The following ANXA10 variants were observed in gnomAD, a reference collection of about 807,000 sequenced individuals.
The protein encoded by ANXA10 is annexin A10.
ANXA10 carries 49 observed loss-of-function variants against 53.5 expected under a neutral mutation model. The ratio of observed to expected loss-of-function variants is 0.92; its 90% CI spans 0.73 to 1.16. ANXA10 has a LOEUF of 1.16. Among genes scored for constraint, ANXA10 ranks in the 50% most tolerant of loss-of-function variants. The probability of loss-of-function intolerance (pLI) is 0.00; values close to 1 mark genes in which losing one functional copy is unlikely to be tolerated. For synonymous variants in ANXA10, 131 were observed against 128.9 expected, an observed-to-expected ratio of 1.02 and a Z score of -0.11; for missense variants, 393 against 394.4, an observed-to-expected ratio of 1.00 and a Z score of 0.03.
intron 4 of ANXA10, 42 bp downstream of exon 4, chr4:168,162,683 C>G (rs1171634248): frequency 6.6e-7 from 1 of 1,526,000 alleles, no homozygotes; most frequent in South Asian, 1.1e-5. Context: ...CAAGTACAGG[C>G]CAGTATTTCA....
intron 3 of ANXA10, among the ~76,000 whole-genome samples, chr4:168,150,892 T>C (rs893263780): frequency 6.6e-6 from 1 of 151,848 alleles, no homozygotes; most frequent in Non-Finnish European, 1.5e-5. Context: ...TGTAAGAGGG[T>C]TGGTTGATAT....
At chr4:168,175,640 C>T (rs1458056015) in intron 6 of ANXA10, among the ~76,000 whole-genome samples, 2 of 152,190 alleles carry the variant, frequency 1.3e-5, no homozygotes, top group African/African-American at 2.4e-5. Context: ...TAACATTATT[C>T]ACTCCTTTAT....
At chr4:168,104,559 A>G (rs557129013) in intron 1 of ANXA10, among the ~76,000 whole-genome samples, 16 of 152,034 alleles carry the variant, frequency 1.1e-4, no homozygotes, top group African/African-American at 3.4e-4. Context: ...TACAAATTCA[A>G]TTTTCTCAAT....
In ANXA10 at chr4:168,179,157, T is replaced by C; in HGVS notation, c.629-60T>C. Reference sequence around the variant, plus strand: ...TATGGATTTTTACTATGTGTAACAATCTAATATTTGTATTATAATATTTTC... The same window carrying C: ...TATGGATTTTTACTATGTGTAACAACCTAATATTTGTATTATAATATTTTC... On this transcript the variant is annotated intron_variant, in intron 8 of 11. Transcript: ENST00000359299. 5.9e-6 allele frequency: 6 copies of C among 1,020,742 alleles called. No individual in the cohort carries two copies. In the South Asian group the frequency reaches 8.5e-5, roughly 14 times the overall value. The allele number at this position is 1,020,742 out of a possible 1,614,324, so 63.2% of individuals were successfully genotyped here.
chr4:168,156,220 A>AT (rs1560784587), intron 3 of ANXA10, among the ~76,000 whole-genome samples: 1 of 50,612 alleles, frequency 2.0e-5, no homozygotes, highest in African/African-American at 7.5e-5. Flanking sequence ...ATTATATGTA[A>AT]TATGTATTAT....
chr4:168,162,341 G>A (rs1208634084), intron 3 of ANXA10, among the ~76,000 whole-genome samples, 187 bp from the exon 4 acceptor site: 1 of 152,082 alleles, frequency 6.6e-6, no homozygotes, highest in African/African-American at 2.4e-5. Context: ...GCAGGGGTGA[G>A]ATCAAATCAA....
rs116488588 is a variant in ANXA10 at position 168,121,702 on chromosome 4, T to C, written c.19-6382T>C. Among the ~76,000 whole-genome samples, 396 of 152,330 alleles carry C rather than the reference T, an allele frequency of 2.6e-3. 1 individual carries two copies. Among genetic ancestry groups the C allele is most frequent in the African/African-American group, 9.3e-3 (385 of 41,578 alleles). ...GAATATTAAAAATCGTGTTTTCATGTGTTATAGTATACACCAAAAATACTT... is the reference window on the plus strand; with the variant it reads ...GAATATTAAAAATCGTGTTTTCATGCGTTATAGTATACACCAAAAATACTT... On this transcript the variant is annotated intron_variant, in intron 1 of 11. Coordinates refer to ENST00000359299, the MANE Select transcript of ANXA10 (RefSeq NM_007193.5).
At chr4:168,156,073 T>G (rs1294171282) in intron 3 of ANXA10, among the ~76,000 whole-genome samples, 1 of 27,918 alleles carries the variant, frequency 3.6e-5, no homozygotes, top group Non-Finnish European at 6.0e-5. Context: ...TCATATATTA[T>G]ATATATTATA....
At chr4:168,170,049 T>C (rs1303037173) in intron 6 of ANXA10, among the ~76,000 whole-genome samples, 2 of 152,214 alleles carry the variant, frequency 1.3e-5, no homozygotes, top group East Asian at 3.8e-4. Flanking sequence ...TTCCCAATTG[T>C]AGTTATTTTT....
chr4:168,171,273 A>G (rs1452921610), intron 6 of ANXA10, among the ~76,000 whole-genome samples: 2 of 152,154 alleles, frequency 1.3e-5, no homozygotes, highest in Non-Finnish European at 2.9e-5. Flanking sequence ...GTGTAATCAA[A>G]TCTCTCCCAT....
chr4:168,112,744 G>T (rs966818846), intron 1 of ANXA10, among the ~76,000 whole-genome samples: 2 of 152,082 alleles, frequency 1.3e-5, no homozygotes, highest in Admixed American at 6.6e-5. Context: ...TCTCCCTGCC[G>T]GCATGGTGGC....
intron 1 of ANXA10, among the ~76,000 whole-genome samples, chr4:168,110,444 CTTTT>C (rs70957898): frequency 7.8e-6 from 1 of 127,568 alleles, no homozygotes; most frequent in Non-Finnish European, 1.7e-5. Flanking sequence ...TGTGTTAATT[CTTTT>C]TTTTTTTTTT....
At chr4:168,112,444 G>A (rs1248298412) in intron 1 of ANXA10, among the ~76,000 whole-genome samples, 11 of 152,180 alleles carry the variant, frequency 7.2e-5, no homozygotes, top group South Asian at 2.1e-4. Flanking sequence ...AGCACTTGGC[G>A]GACTATTTTC....
At chr4:168,185,224 T>C (rs1157776878) in intron 11 of ANXA10, among the ~76,000 whole-genome samples, 1 of 152,180 alleles carries the variant, frequency 6.6e-6, no homozygotes, top group Non-Finnish European at 1.5e-5. Context: ...TTTGATGTGT[T>C]TTACCCAGAA....
chr4:168,166,211 A>T lies in ANXA10; in HGVS notation c.480+885A>T, dbSNP rs112985303. On this transcript the variant is annotated intron_variant, in intron 6 of 11. Coordinates refer to ENST00000359299, the MANE Select transcript of ANXA10 (RefSeq NM_007193.5). The stretch of plus-strand genomic sequence containing the variant: ...AAGAGCTAATAAGTAGAAATCCAGA[A>T]TTTGATTGAATGCTAGAGACTCTAA... Among the ~76,000 whole-genome samples, 974 of 152,320 alleles carry T rather than the reference A, an allele frequency of 6.4e-3. 8 individuals carry two copies. The highest frequency in any genetic ancestry group is 0.037 in the Middle Eastern group (11 of 294).
chr4:168,109,597 G>A (rs1730771728), intron 1 of ANXA10, among the ~76,000 whole-genome samples: 1 of 151,982 alleles, frequency 6.6e-6, no homozygotes, highest in African/African-American at 2.4e-5. Context: ...TCCCTCTTTA[G>A]GCAAGTGACT....
chr4:168,143,382 T>C (rs938860694), intron 3 of ANXA10, among the ~76,000 whole-genome samples: 1 of 152,228 alleles, frequency 6.6e-6, no homozygotes, highest in African/African-American at 2.4e-5. Context: ...AGTACAATTC[T>C]CAGCAGGCTC....
chr4:168,139,996 C>A (rs1731301343), intron 3 of ANXA10, among the ~76,000 whole-genome samples: 1 of 152,182 alleles, frequency 6.6e-6, no homozygotes. Context: ...CAGTTCCTTG[C>A]AGGTCCTCAC....
chr4:168,176,084 T>C (rs1313655303), intron 6 of ANXA10, among the ~76,000 whole-genome samples: 2 of 152,096 alleles, frequency 1.3e-5, no homozygotes, highest in Non-Finnish European at 1.5e-5. Context: ...AGAAGGCAAT[T>C]GGTAGAGAGA....
Sources: gnomAD v4.1 joint callset for allele counts (sites outside exome capture counted in the v4.1 genomes callset) on GRCh38, gnomAD v4.1.1 for gene constraint, MANE v1.5 for transcripts, NCBI Gene and HGNC (gene_info 2026-07-23, HGNC 2026-07-21) for gene names.